IFRD1: variants seen among roughly 807,000 people sequenced by gnomAD.
IFRD1 encodes the protein interferon related developmental regulator 1.
Under a neutral mutation model 52.9 loss-of-function variants are expected in IFRD1, and 35 were observed. The ratio of observed to expected loss-of-function variants is 0.66; its 90% CI spans 0.51 to 0.88. The LOEUF is 0.88. Ranked by LOEUF, IFRD1 falls within the 40% of genes least tolerant of loss-of-function variation. The probability of loss-of-function intolerance (pLI) is 0.00; values close to 1 mark genes in which losing one functional copy is unlikely to be tolerated. For missense variants in IFRD1, 517 were observed against 550.8 expected, an observed-to-expected ratio of 0.94 and a Z score of 0.61; for synonymous variants, 184 against 188.4, an observed-to-expected ratio of 0.98 and a Z score of 0.19.
intron 8 of IFRD1, among the ~76,000 whole-genome samples, chr7:112,463,894 A>ACAC (rs1554508602): frequency 1.7e-4 from 3 of 17,580 alleles, no homozygotes; most frequent in African/African-American, 4.0e-4. Flanking sequence ...ACACACACAC[A>ACAC]CCCCACGTAT....
rs774318657 is a variant in IFRD1 at position 112,461,850 on chromosome 7, ATAT to A, written c.568-14_568-12del. On this transcript the variant is annotated splice_polypyrimidine_tract_variant and intron_variant, in intron 5 of 11. Coordinates refer to ENST00000403825, the MANE Select transcript of IFRD1 (RefSeq NM_001550.4). ...TAAAATCATTAATGTCTATATATAT[ATAT>A]TTTTTTTTTTAGTGTGCAACTTGCT... 118 of 1,309,312 alleles carry A rather than the reference ATAT, an allele frequency of 9.0e-5. No homozygotes were observed. The highest frequency in any genetic ancestry group is 1.1e-4 in the Non-Finnish European group (102 of 921,622). The allele number at this position is 1,309,312 out of a possible 1,614,324, so 81.1% of individuals were successfully genotyped here. A position where few individuals can be genotyped will look rare whatever the true frequency, so the allele number is the denominator to read the frequency against.
chr7:112,432,191 C>T (rs1366708468), intron 1 of IFRD1, among the ~76,000 whole-genome samples: 2 of 152,168 alleles, frequency 1.3e-5, no homozygotes, highest in African/African-American at 2.4e-5. Context: ...TTGTGGCCTA[C>T]TGTGTACTGG....
intron 1 of IFRD1, among the ~76,000 whole-genome samples, chr7:112,427,775 TC>T (rs1236092357): frequency 6.6e-6 from 1 of 152,238 alleles, no homozygotes; most frequent in Non-Finnish European, 1.5e-5. Flanking sequence ...ATTAATTTGT[TC>T]ACTCATTCAA....
At position 112,450,743 on chromosome 7, in the gene IFRD1, G is replaced by A. The variant is rs137896794; in HGVS notation, c.55G>A (p.Gly19Ser). Reference protein sequence around the residue: ...TPHRGSSAGGGGSGAAAATAA... With the variant: ...TPHRGSSAGGSGSGAAAATAA... ...CCACCGCGGTAGCAGTGCTGGCGGC[G>A]GCGGGTCAGGAGCAGCCGCAGCGAC... is the stretch of plus-strand genomic sequence containing the variant. Residue 19 changes from glycine (G) to serine (S), a missense_variant, in exon 1 of 12, where the codon GGC becomes AGC. Transcript: ENST00000403825. 5.6e-6 allele frequency: 9 copies of A among 1,612,176 alleles called. No individual in the cohort carries two copies. In the South Asian group the frequency reaches 7.7e-5, roughly 14 times the overall value.
In IFRD1 at chr7:112,437,774, G is replaced by A. The variant is rs1423744877; in HGVS notation, c.-181-12734G>A. 4.0e-5 allele frequency among the ~76,000 whole-genome samples: 6 copies of A among 151,864 alleles called. No individual in the cohort carries two copies. The East Asian group carries it at 1.2e-3, about 29-fold the overall frequency. On this transcript the variant is annotated intron_variant, in intron 1 of 12. Transcript: ENST00000005558. ...GGTAATGGGATTATGGATGGGATAA[G>A]GAAGATCATTCTGATAGCTTAGAGC... is the stretch of plus-strand genomic sequence containing the variant.
chr7:112,434,957 T>G (rs893501444), intron 1 of IFRD1, among the ~76,000 whole-genome samples: 1 of 152,216 alleles, frequency 6.6e-6, no homozygotes, highest in African/African-American at 2.4e-5. Context: ...ACAAATACAT[T>G]TTGGAAGTGT....
rs1249446783 is a variant in IFRD1 at position 112,476,818 on chromosome 7, T to TGC, written c.*1300_*1301dup. On this transcript the variant is annotated 3_prime_UTR_variant, in exon 12 of 12. Coordinates refer to ENST00000403825, the MANE Select transcript of IFRD1 (RefSeq NM_001550.4). ...CGTAGACTTGTTTCTTTGATACTCTTGCTGTAGGTCGCCGTGAGGGGTAGG... is the reference window on the plus strand; with the variant it reads ...CGTAGACTTGTTTCTTTGATACTCTTGCGCTGTAGGTCGCCGTGAGGGGTAGG... The TGC allele has an allele frequency of 6.6e-6, 1 of 152,214 alleles. No homozygotes were observed. Among genetic ancestry groups the TGC allele is most frequent in the Non-Finnish European group, 1.5e-5 (1 of 68,030 alleles). The allele number at this position is 152,214 out of a possible 1,614,324, so 9.4% of individuals were successfully genotyped here.
At chr7:112,428,098 G>A (rs1014667372) in intron 1 of IFRD1, among the ~76,000 whole-genome samples, 3 of 152,160 alleles carry the variant, frequency 2.0e-5, no homozygotes, top group Non-Finnish European at 4.4e-5. Flanking sequence ...TCAGCCAAGA[G>A]GTCAGTCAGG....
intron 8 of IFRD1, 85 bp downstream of exon 8, chr7:112,462,463 A>G: frequency 1.1e-6 from 1 of 903,400 alleles, no homozygotes; most frequent in South Asian, 1.4e-5. Context: ...ATTGGGCAAT[A>G]ACTTTGGAAC....
chr7:112,438,977 T>TAAC (rs545220968), intron 1 of IFRD1, among the ~76,000 whole-genome samples: 33 of 151,946 alleles, frequency 2.2e-4, no homozygotes, highest in Admixed American at 3.9e-4. Flanking sequence ...TGCCAATTAA[T>TAAC]AACAACAACA....
chr7:112,451,301 G>T (rs899785933), intron 1 of IFRD1, among the ~76,000 whole-genome samples: 1 of 152,216 alleles, frequency 6.6e-6, no homozygotes, highest in East Asian at 1.9e-4. Flanking sequence ...ACGCAGAGGC[G>T]CTGGGGAAGC....
At chr7:112,452,152 ATACTT>A (rs1795181824) in intron 1 of IFRD1, 1 of 898,664 alleles carries the variant, frequency 1.1e-6, no homozygotes. Flanking sequence ...TGAATTGAGG[ATACTT>A]TTTTTTTTTT....
intron 11 of IFRD1, 125 bp from the exon 12 acceptor site, chr7:112,475,305 A>C: frequency 1.5e-6 from 1 of 663,692 alleles, no homozygotes; most frequent in Non-Finnish European, 2.6e-6. Flanking sequence ...TGTGTTTTAT[A>C]AACATTTAAA....
At chr7:112,467,802 G>A (rs1332566113) in intron 8 of IFRD1, 179 bp from the exon 9 acceptor site, 1 of 630,752 alleles carries the variant, frequency 1.6e-6, no homozygotes, top group Non-Finnish European at 2.8e-6. Flanking sequence ...AGCATTTCTG[G>A]GTTCGATTTT....
At chr7:112,473,834 G>A (rs923519251) in intron 11 of IFRD1, among the ~76,000 whole-genome samples, 5 of 152,064 alleles carry the variant, frequency 3.3e-5, no homozygotes, top group African/African-American at 1.2e-4. Flanking sequence ...CATTCATGAT[G>A]TTGTACAACT....
At chr7:112,462,551 C>G (rs761809261) in intron 8 of IFRD1, among the ~76,000 whole-genome samples, 173 bp downstream of exon 8, 2 of 152,072 alleles carry the variant, frequency 1.3e-5, no homozygotes, top group Non-Finnish European at 2.9e-5. Flanking sequence ...GAGCAGAAAC[C>G]AGTAGGGGTT....
chr7:112,445,280 A>G (rs1380660736), intron 1 of IFRD1, among the ~76,000 whole-genome samples: 2 of 151,764 alleles, frequency 1.3e-5, no homozygotes, highest in East Asian at 1.9e-4. Flanking sequence ...GTTAGCCAGG[A>G]TGGTCTCGAT....
upstream of IFRD1, among the ~76,000 whole-genome samples, chr7:112,445,533 C>T (rs1033901970): frequency 1.1e-4 from 17 of 152,214 alleles, no homozygotes; most frequent in African/African-American, 4.1e-4. Context: ...CAGTCTAGAA[C>T]AGTGGCAGTG....
At chr7:112,465,184 C>G (rs1283644966) in intron 8 of IFRD1, among the ~76,000 whole-genome samples, 17 of 152,170 alleles carry the variant, frequency 1.1e-4, no homozygotes, top group Admixed American at 1.1e-3. Flanking sequence ...AGATACAGAG[C>G]CACTGTGTCT....
Sources: gnomAD v4.1 joint callset for allele counts (sites outside exome capture counted in the v4.1 genomes callset) on GRCh38, gnomAD v4.1.1 for gene constraint, MANE v1.5 for transcripts, NCBI Gene and HGNC (gene_info 2026-07-23, HGNC 2026-07-21) for gene names.